The following GEN1 variants were observed in gnomAD, a reference collection of about 807,000 sequenced individuals.
GEN1 encodes the protein GEN1 structure-specific endonuclease.
Under a neutral mutation model 67.6 loss-of-function variants are expected in GEN1, and 64 were observed. That is an observed-to-expected ratio of 0.95 (90% CI 0.77 to 1.17). GEN1 has a LOEUF of 1.17. Among genes scored for constraint, GEN1 ranks in the 50% most tolerant of loss-of-function variants. GEN1 has a pLI of 0.00. For synonymous variants in GEN1, 371 were observed against 359.4 expected, an observed-to-expected ratio of 1.03 and a Z score of -0.37; for missense variants, 1,058 against 1,048.3, an observed-to-expected ratio of 1.01 and a Z score of -0.13.
At chr2:17,761,650 T>G in intron 3 of GEN1, 68 bp downstream of exon 3, 1 of 1,078,304 alleles carries the variant, frequency 9.3e-7, no homozygotes, top group East Asian at 2.4e-5. Flanking sequence ...CTTAATAGTT[T>G]GTCATCTTTA....
chr2:17,778,376 ACATATATG>A (rs1344805748), intron 12 of GEN1, among the ~76,000 whole-genome samples: 1 of 23,336 alleles, frequency 4.3e-5, no homozygotes. Context: ...ATATACACAC[ACATATATG>A]TGTGTACATA....
chr2:17,765,084 T>C lies in GEN1; in HGVS notation c.525+11T>C, dbSNP rs1332280801. 1 of 1,612,282 alleles carries C rather than the reference T, an allele frequency of 6.2e-7. No homozygotes were observed. Among genetic ancestry groups the C allele is most frequent in the Admixed American group, 1.7e-5 (1 of 59,632 alleles). On this transcript the variant is annotated intron_variant, in intron 4 of 13. Transcript: ENST00000381254. ...ACTATGAATACAAAGGTGTTTATTT[T>C]CTTTCTCTTTTTCAGCATTTGTTTA... is the stretch of plus-strand genomic sequence containing the variant.
chr2:17,761,006 G>A (rs991972528), intron 2 of GEN1, among the ~76,000 whole-genome samples: 2 of 151,702 alleles, frequency 1.3e-5, no homozygotes, highest in African/African-American at 4.8e-5. Context: ...TGAGATGGGC[G>A]GATTATTTGA....
intron 12 of GEN1, among the ~76,000 whole-genome samples, chr2:17,778,409 CATATATGTGTGTACAT>C (rs1286211772): frequency 1.3e-4 from 5 of 37,286 alleles, no homozygotes; most frequent in African/African-American, 3.3e-4. Flanking sequence ...TATATACACA[CATATATGTGTGTACAT>C]ATATGTATAT....
chr2:17,767,711 C>G (rs1043067573), intron 5 of GEN1, among the ~76,000 whole-genome samples: 1 of 152,166 alleles, frequency 6.6e-6, no homozygotes, highest in African/African-American at 2.4e-5. Flanking sequence ...CCAACTTTAG[C>G]TACAGTGGTA....
rs536870741 is a variant in GEN1 at position 17,782,879 on chromosome 2, G to T, written c.*940G>T. On this transcript the variant is annotated 3_prime_UTR_variant, in exon 14 of 14. Coordinates refer to ENST00000381254, the MANE Select transcript of GEN1 (RefSeq NM_001130009.3). The stretch of plus-strand genomic sequence containing the variant: ...ATTAAGTCATGCATTAATTTAGGTC[G>T]CACTCAAAAATTCTAGAGAGGCATC... The T allele has an allele frequency of 6.6e-6, 1 of 151,800 alleles. No homozygotes were observed. Among genetic ancestry groups the T allele is most frequent in the East Asian group, 1.9e-4 (1 of 5,184 alleles). 9.4% of individuals were successfully genotyped at this position (151,800 alleles called of 1,614,324 possible). A position where few individuals can be genotyped will look rare whatever the true frequency, so the allele number is the denominator to read the frequency against.
chr2:17,782,855 T>A lies in GEN1; in HGVS notation c.*916T>A, dbSNP rs1282953957. 1 of 152,184 alleles carries A rather than the reference T, an allele frequency of 6.6e-6. No homozygotes were observed. Among genetic ancestry groups the A allele is most frequent in the African/African-American group, 2.4e-5 (1 of 41,450 alleles). 9.4% of individuals were successfully genotyped at this position (152,184 alleles called of 1,614,324 possible). On this transcript the variant is annotated 3_prime_UTR_variant, in exon 14 of 14. Coordinates refer to ENST00000381254, the MANE Select transcript of GEN1 (RefSeq NM_001130009.3). Reference sequence around the variant, plus strand: ...ATATTGACTTTAATACCACCAAATATTAAGTCATGCATTAATTTAGGTCGC... The same window carrying A: ...ATATTGACTTTAATACCACCAAATAATAAGTCATGCATTAATTTAGGTCGC...
chr2:17,770,907 T>C (rs752946644), intron 6 of GEN1, among the ~76,000 whole-genome samples: 1 of 151,454 alleles, frequency 6.6e-6, no homozygotes, highest in Non-Finnish European at 1.5e-5. Flanking sequence ...GATATATATA[T>C]ACATACATAT....
At chr2:17,769,373 C>T (rs1417790781) in intron 6 of GEN1, among the ~76,000 whole-genome samples, 1 of 152,014 alleles carries the variant, frequency 6.6e-6, no homozygotes, top group African/African-American at 2.4e-5. Flanking sequence ...CCACGGTGCC[C>T]AGCCACCATA....
At chr2:17,767,566 C>G (rs1671987792) in intron 5 of GEN1, among the ~76,000 whole-genome samples, 1 of 152,028 alleles carries the variant, frequency 6.6e-6, no homozygotes, top group African/African-American at 2.4e-5. Flanking sequence ...CTTTTAAATA[C>G]CACAAACCAT....
chr2:17,776,644 A>G (rs1672447311), intron 11 of GEN1, among the ~76,000 whole-genome samples: 1 of 152,260 alleles, frequency 6.6e-6, no homozygotes. Flanking sequence ...TATAAAAGAA[A>G]AAAGATCAGC....
At chr2:17,768,865 TAATAAC>T (rs1322061953) in intron 6 of GEN1, 54 bp downstream of exon 6, 20 of 1,090,726 alleles carry the variant, frequency 1.8e-5, no homozygotes, top group Non-Finnish European at 2.5e-5. Context: ...TTGCTGAACT[TAATAAC>T]GAATAGTACA....
In GEN1 at chr2:17,761,572, T is replaced by C; in HGVS notation, c.338T>C (p.Val113Ala). 1 of 1,602,552 alleles carries C rather than the reference T, an allele frequency of 6.2e-7. No homozygotes were observed. The stretch of plus-strand genomic sequence containing the variant: ...ACAGGGAGATCACATTTTAAATCAG[T>C]CTTAAGAGAGGTGAGCATTCAGATT... ...QKTGRSHFKS[V>A]LRECLHMLEC... The change falls in exon 3 of 14, where the codon GTC becomes GCC. Residue 113 changes from valine (V) to alanine (A), a missense_variant. Transcript: ENST00000381254.
At chr2:17,759,394 T>C (rs1671569768) in intron 1 of GEN1, among the ~76,000 whole-genome samples, 1 of 152,220 alleles carries the variant, frequency 6.6e-6, no homozygotes, top group South Asian at 2.1e-4. Flanking sequence ...TTATAAGTGA[T>C]TAAAAGTTTT....
chr2:17,781,428 AAGG>A lies in GEN1; in HGVS notation c.2219_2221del (p.Gly740del), dbSNP rs573298235. On this transcript the variant is annotated inframe_deletion, in exon 14 of 14. Coordinates refer to ENST00000381254, the MANE Select transcript of GEN1 (RefSeq NM_001130009.3). Reference sequence around the variant, plus strand: ...GAATCCAGAGACTCTAAAATTCTAAAAGGAGACCAGCTGCTTCAAGAAGACTAT... The same window carrying A: ...GAATCCAGAGACTCTAAAATTCTAAAAGACCAGCTGCTTCAAGAAGACTAT... 52 of 1,613,568 alleles carry A rather than the reference AAGG, an allele frequency of 3.2e-5. No individual in the cohort carries two copies. The highest frequency in any genetic ancestry group is 4.0e-5 in the Non-Finnish European group (47 of 1,179,930).
Position 17,782,121 on chromosome 2 carries a change from T to A in GEN1, c.*182T>A, listed in dbSNP as rs1672871519. 2.1e-6 allele frequency: 1 copy of A among 473,770 alleles called. No individual in the cohort carries two copies. The highest frequency in any genetic ancestry group is 2.0e-5 in the African/African-American group (1 of 49,956). The allele number at this position is 473,770 out of a possible 1,614,324, so 29.3% of individuals were successfully genotyped here. On this transcript the variant is annotated 3_prime_UTR_variant, in exon 14 of 14. Transcript: ENST00000381254. ...CACCTAAAACTCTGGTTTTAAAAGA[T>A]CCTCTGTATTGAAAACTTCTGATAA...
chr2:17,766,687 A>G lies in GEN1; in HGVS notation c.634A>G (p.Lys212Glu). 6.6e-7 allele frequency: 1 copy of G among 1,522,094 alleles called. No homozygotes were observed. Among genetic ancestry groups the G allele is most frequent in the Non-Finnish European group, 9.1e-7 (1 of 1,097,570 alleles). 94.3% of individuals were successfully genotyped at this position (1,522,094 alleles called of 1,614,324 possible). ...ACTTCTTGGCTGTGATTATCTCCCAAAGGTAAGCTGAAATTGTCATATTTA... is the reference window on the plus strand; with the variant it reads ...ACTTCTTGGCTGTGATTATCTCCCAGAGGTAAGCTGAAATTGTCATATTTA... ...AILLGCDYLP[K>E]GVPGVGKEQA... is the part of the protein sequence containing the mutation. Residue 212 changes from lysine to glutamate, a missense_variant and splice_region_variant, in exon 5 of 14, where the codon AAG (lysine) becomes GAG (glutamate). Physicochemically the swap from Lys to Glu is moderately conservative, Grantham distance 56. Transcript: ENST00000381254.
rs963262901 is a variant in GEN1 at position 17,772,665 on chromosome 2, C to A, written c.834C>A (p.Cys278Ter). Residue 278 changes from cysteine (C) to a stop codon, truncating the protein, a stop_gained, in exon 8 of 14, where the codon TGC becomes TGA. Coordinates refer to ENST00000381254, the MANE Select transcript of GEN1 (RefSeq NM_001130009.3). LOFTEE classifies it high-confidence loss of function. ...GSPKDHERNG[C>*]RLCKSDKYCE... ...CTAAGGATCATGAACGTAATGGATG[C>A]AGATTATGTAAAAGTGATAAATATT... is the stretch of plus-strand genomic sequence containing the variant. The A allele has an allele frequency of 6.2e-7, 1 of 1,611,090 alleles. No homozygotes were observed. Among genetic ancestry groups the A allele is most frequent in the East Asian group, 2.2e-5 (1 of 44,788 alleles).
chr2:17,778,281 T>C (rs796676172), intron 12 of GEN1, among the ~76,000 whole-genome samples: 1,182 of 63,268 alleles, frequency 0.019, 224 homozygotes, highest in African/African-American at 0.043. Flanking sequence ...TATATGTATA[T>C]ACACACACAT....
Sources: gnomAD v4.1 joint callset for allele counts (sites outside exome capture counted in the v4.1 genomes callset) on GRCh38, gnomAD v4.1.1 for gene constraint, MANE v1.5 for transcripts, NCBI Gene and HGNC (gene_info 2026-07-23, HGNC 2026-07-21) for gene names.